Variants in TLL1 observed in about 807,000 individuals in gnomAD.
The protein encoded by TLL1 is tolloid like 1.
TLL1 carries 49 observed loss-of-function variants against 128.2 expected under a neutral mutation model. That is an observed-to-expected ratio of 0.38 (90% CI 0.30 to 0.48). The LOEUF is 0.48. Ranked by LOEUF, TLL1 falls within the 20% of genes least tolerant of loss-of-function variation. TLL1 has a pLI of 0.96. For missense variants in TLL1, 1,123 were observed against 1,242.0 expected (o/e 0.90, Z 1.44); for synonymous variants, 454 against 418.8 (o/e 1.08, Z -1.03).
At position 166,026,825 on chromosome 4, in the gene TLL1, G is replaced by C. The variant is rs138508817; in HGVS notation, c.1158+1394G>C. Reference sequence around the variant, plus strand: ...TTTAAAAGATTGTTAGAACCATAGAGTCTTTAGACAACAAAATGAGAGTAA... The same window carrying C: ...TTTAAAAGATTGTTAGAACCATAGACTCTTTAGACAACAAAATGAGAGTAA... On this transcript the variant is annotated intron_variant, in intron 9 of 20. Coordinates refer to ENST00000061240, the MANE Select transcript of TLL1 (RefSeq NM_012464.5). Among the ~76,000 whole-genome samples, 146 of 152,254 alleles carry C rather than the reference G, an allele frequency of 9.6e-4. 1 individual carries two copies. The highest frequency in any genetic ancestry group is 1.8e-3 in the Admixed American group (27 of 15,292).
At chr4:165,936,293 C>T (rs922636624) in intron 1 of TLL1, among the ~76,000 whole-genome samples, 5 of 146,468 alleles carry the variant, frequency 3.4e-5, no homozygotes, top group African/African-American at 1.3e-4. Flanking sequence ...GATCTCAGCT[C>T]ACTACAACCT....
intron 1 of TLL1, among the ~76,000 whole-genome samples, chr4:165,914,471 AG>A (rs1456220871): frequency 2.0e-5 from 3 of 152,210 alleles, no homozygotes; most frequent in Non-Finnish European, 2.9e-5. Flanking sequence ...AGATGGACAG[AG>A]ATTGCACCCA....
intron 18 of TLL1, among the ~76,000 whole-genome samples, chr4:166,086,211 G>A (rs975932935): frequency 6.6e-6 from 1 of 151,918 alleles, no homozygotes; most frequent in Non-Finnish European, 1.5e-5. Context: ...ATATATTACT[G>A]TACATTAATA....
intron 1 of TLL1, among the ~76,000 whole-genome samples, chr4:165,952,249 C>T (rs182339923): frequency 2.0e-5 from 3 of 152,222 alleles, no homozygotes; most frequent in African/African-American, 7.2e-5. Context: ...TTCTGCAGTA[C>T]TTTATAGTTC....
chr4:165,988,338 A>T (rs1403782098), intron 1 of TLL1, among the ~76,000 whole-genome samples: 1 of 152,128 alleles, frequency 6.6e-6, no homozygotes, highest in Non-Finnish European at 1.5e-5. Context: ...GACTGAGAGC[A>T]GTTGCTCACT....
chr4:166,041,939 T>C, intron 10 of TLL1, 88 bp from the exon 11 acceptor site: 1 of 902,680 alleles, frequency 1.1e-6, no homozygotes, highest in Non-Finnish European at 1.8e-6. Flanking sequence ...CAAATCGGTG[T>C]TTACATATTA....
intron 1 of TLL1, among the ~76,000 whole-genome samples, chr4:165,939,606 G>C (rs1253217100): frequency 6.6e-6 from 1 of 151,940 alleles, no homozygotes; most frequent in East Asian, 1.9e-4. Flanking sequence ...AAGCTTTCTA[G>C]AGTTCTACAG....
intron 8 of TLL1, 105 bp downstream of exon 8, chr4:166,014,665 GCA>G: frequency 6.5e-7 from 1 of 1,541,442 alleles, no homozygotes; most frequent in Admixed American, 1.7e-5. Context: ...CTCCCTGTTG[GCA>G]AGTGACGTGT....
chr4:166,019,879 G>T (rs1403691947), intron 8 of TLL1, among the ~76,000 whole-genome samples: 1 of 151,924 alleles, frequency 6.6e-6, no homozygotes, highest in East Asian at 1.9e-4. Context: ...AATTAGGTTG[G>T]TATATGAAAC....
chr4:165,922,895 C>T (rs982296974), intron 1 of TLL1, among the ~76,000 whole-genome samples: 41 of 152,132 alleles, frequency 2.7e-4, no homozygotes, highest in African/African-American at 7.5e-4. Context: ...GAAAATCAGT[C>T]TCTGATTCCT....
At chr4:165,931,706 A>G (rs186703674) in intron 1 of TLL1, among the ~76,000 whole-genome samples, 1,535 of 151,828 alleles carry the variant, frequency 0.01, 32 homozygotes, top group Middle Eastern at 0.014. Context: ...GCGACAGAGT[A>G]AGACTCTGTC....
intron 1 of TLL1, among the ~76,000 whole-genome samples, chr4:165,977,216 C>A (rs540508773): frequency 6.6e-6 from 1 of 152,092 alleles, no homozygotes; most frequent in African/African-American, 2.4e-5. Context: ...GAGGGCAGAA[C>A]CTGGTGGGAG....
intron 4 of TLL1, among the ~76,000 whole-genome samples, 189 bp downstream of exon 4, chr4:165,994,722 C>A (rs919437717): frequency 2.6e-5 from 4 of 152,118 alleles, no homozygotes; most frequent in Non-Finnish European, 5.9e-5. Context: ...GTATTGTGTT[C>A]TAAGAGTTTA....
intron 1 of TLL1, among the ~76,000 whole-genome samples, chr4:165,936,978 T>C (rs1398624051): frequency 6.6e-6 from 1 of 152,140 alleles, no homozygotes; most frequent in Non-Finnish European, 1.5e-5. Flanking sequence ...GTAGAAACCT[T>C]ACTTCCACTT....
chr4:165,983,756 C>G (rs944514370), intron 1 of TLL1, among the ~76,000 whole-genome samples: 1 of 151,500 alleles, frequency 6.6e-6, no homozygotes, highest in African/African-American at 2.4e-5. Flanking sequence ...TTTTTTCTTC[C>G]TAGAGTCAAT....
Position 166,101,944 on chromosome 4 carries a change from A to T in TLL1, c.*1068A>T, listed in dbSNP as rs1742308700. 6.6e-6 allele frequency: 1 copy of T among 152,432 alleles called. No homozygotes were observed. Among genetic ancestry groups the T allele is most frequent in the South Asian group, 2.1e-4 (1 of 4,828 alleles). The allele number at this position is 152,432 out of a possible 1,614,324, so 9.4% of individuals were successfully genotyped here. On this transcript the variant is annotated 3_prime_UTR_variant, in exon 21 of 21. Coordinates refer to ENST00000061240, the MANE Select transcript of TLL1 (RefSeq NM_012464.5). The stretch of plus-strand genomic sequence containing the variant: ...TTCAAAACACAATGCTGGAAAAAAA[A>T]GATTTGTTTCTGAAAGACTTCTTAT...
At chr4:166,057,332 A>T (rs1438800737) in intron 14 of TLL1, 23 bp downstream of exon 14, 1 of 1,552,686 alleles carries the variant, frequency 6.4e-7, no homozygotes, top group Admixed American at 1.7e-5. Context: ...TCCTTCCTGG[A>T]CCCCCACCCC....
At position 166,078,035 on chromosome 4, in the gene TLL1, G is replaced by A. The variant is rs1484630258; in HGVS notation, c.2442+5G>A. On this transcript the variant is annotated splice_donor_5th_base_variant and intron_variant, in intron 18 of 20. Coordinates refer to ENST00000061240, the MANE Select transcript of TLL1 (RefSeq NM_012464.5). ...CCTGGCCACCGAATCAAATTAGTAA[G>A]TGAGCACATCCTTTTTCTTTCCATT... is the stretch of plus-strand genomic sequence containing the variant. 6.2e-7 allele frequency: 1 copy of A among 1,613,414 alleles called. No individual in the cohort carries two copies. Among genetic ancestry groups the A allele is most frequent in the Non-Finnish European group, 8.5e-7 (1 of 1,179,552 alleles).
chr4:166,042,036 G>A lies in TLL1; in HGVS notation c.1271G>A (p.Cys424Tyr), dbSNP rs1441503773. The part of the protein sequence containing the change: ...WRKSPLLGRF[C>Y]GDKLPEVLTS... ...CTTTTATTTCTTTTAGGTAGATTCT[G>A]TGGGGACAAATTGCCTGAAGTTCTT... The change falls in exon 11 of 21, where the codon TGT (cysteine) becomes TAT (tyrosine). Residue 424 changes from cysteine (C) to tyrosine (Y), a missense_variant. Coordinates refer to ENST00000061240, the MANE Select transcript of TLL1 (RefSeq NM_012464.5). The A allele has an allele frequency of 6.2e-7, 1 of 1,609,756 alleles. No individual in the cohort carries two copies. Among genetic ancestry groups the A allele is most frequent in the Admixed American group, 1.7e-5 (1 of 59,964 alleles).
Sources: gnomAD v4.1 joint callset for allele counts (sites outside exome capture counted in the v4.1 genomes callset) on GRCh38, gnomAD v4.1.1 for gene constraint, MANE v1.5 for transcripts, NCBI Gene and HGNC (gene_info 2026-07-23, HGNC 2026-07-21) for gene names.